The following OPHN1 variants were observed in gnomAD, a reference collection of about 807,000 sequenced individuals.
OPHN1 encodes the protein oligophrenin-1.
Under a neutral mutation model 60.7 loss-of-function variants are expected in OPHN1, and 11 were observed. That is an observed-to-expected ratio of 0.18 (90% CI 0.11 to 0.30). The LOEUF (loss-of-function observed/expected upper bound fraction) is 0.30. Ranked by LOEUF, OPHN1 falls within the 10% of genes least tolerant of loss-of-function variation. OPHN1 has a pLI of 1.00. For missense variants in OPHN1, 449 were observed against 611.0 expected (o/e 0.73, Z 2.80); for synonymous variants, 226 against 222.6 (o/e 1.02, Z -0.14).
chrX:68,272,465 A>G (rs1225334520), intron 5 of OPHN1, among the ~76,000 whole-genome samples: 2 of 112,559 alleles, frequency 1.8e-5, no homozygotes, highest in African/African-American at 6.4e-5. Context: ...TTAGTAAACA[A>G]TGAACCGCAT....
At chrX:68,317,525 A>G (rs2078211207) in intron 2 of OPHN1, among the ~76,000 whole-genome samples, 6 of 60,402 alleles carry the variant, frequency 9.9e-5, no homozygotes, top group Admixed American at 3.6e-4. Context: ...GAGAGAAAGA[A>G]AGAAAGAAAG....
chrX:68,086,213 G>GAAAAAA (rs2076995069), intron 19 of OPHN1, among the ~76,000 whole-genome samples: 1 of 92,223 alleles, frequency 1.1e-5, no homozygotes. Context: ...AATCCTAAAA[G>GAAAAAA]AATGGGAAAC....
In OPHN1 at chrX:68,213,916, A is replaced by G. The variant is rs750210193; in HGVS notation, c.543T>C (p.Tyr181=). Residue 181 remains tyrosine (Y), a synonymous_variant, in exon 7 of 25, where the codon TAT becomes TAC. Transcript: ENST00000355520. ...RHNFFESSLD[Y]VYQIQEVQES... ...CCTGAACTTCCTGGATTTGATAAAC[A>G]TAATCAAGAGAGGACTCGAAAAAAT... 2.5e-6 allele frequency: 3 copies of G among 1,205,695 alleles called. No individual in the cohort carries two copies. Among genetic ancestry groups the G allele is most frequent in the Admixed American group, 2.2e-5 (1 of 45,604 alleles).
chrX:68,420,862 A>T (rs2078823434), intron 2 of OPHN1, among the ~76,000 whole-genome samples: 1 of 109,978 alleles, frequency 9.1e-6, no homozygotes, highest in African/African-American at 3.3e-5. Context: ...AAAAAAAAAA[A>T]AAAATCACAG....
chrX:68,158,391 GT>G (rs747927043), intron 15 of OPHN1, among the ~76,000 whole-genome samples: 1 of 112,049 alleles, frequency 8.9e-6, no homozygotes, highest in African/African-American at 3.2e-5. Flanking sequence ...TGTCTGGAAA[GT>G]TTGGTTAGAC....
intron 2 of OPHN1, among the ~76,000 whole-genome samples, chrX:68,397,040 T>C (rs921930430): frequency 3.6e-5 from 4 of 111,048 alleles, no homozygotes; most frequent in Non-Finnish European, 7.5e-5. Flanking sequence ...AACTGCCTCC[T>C]GATTGCAAGC....
chrX:68,182,312 A>T (rs772169205), intron 15 of OPHN1, among the ~76,000 whole-genome samples: 86 of 102,944 alleles, frequency 8.4e-4, no homozygotes, highest in Non-Finnish European at 1.5e-3. Flanking sequence ...TGGTCCTTGG[A>T]TAATGAACTG....
At chrX:68,224,113 C>T (rs2077677673) in intron 6 of OPHN1, among the ~76,000 whole-genome samples, 1 of 111,757 alleles carries the variant, frequency 8.9e-6, no homozygotes, top group Non-Finnish European at 1.9e-5. Flanking sequence ...ATCTAACTGA[C>T]ATCTTTGTAA....
intron 10 of OPHN1, among the ~76,000 whole-genome samples, chrX:68,205,909 A>G (rs1478564708): frequency 9.0e-6 from 1 of 110,601 alleles, no homozygotes; most frequent in Non-Finnish European, 1.9e-5. Flanking sequence ...GAATATAAAC[A>G]ATCTGTCTAA....
intron 15 of OPHN1, among the ~76,000 whole-genome samples, chrX:68,124,174 G>T (rs1393293694): frequency 9.0e-6 from 1 of 111,067 alleles, no homozygotes; most frequent in Admixed American, 9.5e-5. Flanking sequence ...ATCTCGTATT[G>T]ATGAAATCCC....
intron 15 of OPHN1, among the ~76,000 whole-genome samples, chrX:68,172,688 A>C (rs769269968): frequency 9.0e-6 from 1 of 111,684 alleles, no homozygotes; most frequent in South Asian, 3.8e-4. Flanking sequence ...TCTCAATCCT[A>C]GATATATCTG....
chrX:68,380,176 G>A (rs893385409), intron 2 of OPHN1, among the ~76,000 whole-genome samples: 7 of 111,501 alleles, frequency 6.3e-5, no homozygotes, highest in Middle Eastern at 4.6e-3. Flanking sequence ...ATGTGTCGAG[G>A]AATTTACCCA....
intron 6 of OPHN1, among the ~76,000 whole-genome samples, chrX:68,219,765 G>A (rs2077641711): frequency 9.5e-6 from 1 of 104,858 alleles, no homozygotes; most frequent in South Asian, 4.6e-4. Context: ...AGAATCTCTG[G>A]GATGCATTCA....
At chrX:68,399,399 C>A (rs1228345708) in intron 2 of OPHN1, among the ~76,000 whole-genome samples, 1 of 111,889 alleles carries the variant, frequency 8.9e-6, no homozygotes, top group East Asian at 2.8e-4. Flanking sequence ...GCCTGTAATC[C>A]CAGCACTTTG....
rs1215178038 is a variant in OPHN1, at chrX:68,053,701, C to T, written c.2268G>A (p.Lys756=). 8 of 1,209,439 alleles carry T rather than the reference C, an allele frequency of 6.6e-6. No homozygotes were observed. The highest frequency in any genetic ancestry group is 6.7e-6 in the Non-Finnish European group (6 of 895,126). The change falls in exon 22 of 25, where the codon AAG becomes AAA. Residue 756 remains lysine, a synonymous_variant. Transcript: ENST00000355520. ...DPPCRAATPQ[K]PEPKPDIVAG... ...CCACAATATCTGGCTTTGGTTCTGGCTTTTGGGGAGTAGCTGCCCGGCAGG... is the reference window on the plus strand; with the variant it reads ...CCACAATATCTGGCTTTGGTTCTGGTTTTTGGGGAGTAGCTGCCCGGCAGG...
intron 15 of OPHN1, among the ~76,000 whole-genome samples, chrX:68,182,604 TGAAG>T (rs1320048512): frequency 9.0e-6 from 1 of 111,502 alleles, no homozygotes; most frequent in African/African-American, 3.3e-5. Context: ...ATGGAAATAC[TGAAG>T]TTGTTGAAAA....
At chrX:68,187,035 G>A (rs2077465745) in intron 15 of OPHN1, among the ~76,000 whole-genome samples, 1 of 111,757 alleles carries the variant, frequency 8.9e-6, no homozygotes, top group African/African-American at 3.3e-5. Context: ...AAGTGAGAAC[G>A]TCACAATGAG....
At chrX:68,201,403 T>C (rs1297237384) in intron 11 of OPHN1, among the ~76,000 whole-genome samples, 1 of 112,014 alleles carries the variant, frequency 8.9e-6, no homozygotes, top group African/African-American at 3.2e-5. Flanking sequence ...GCAAAGCTGA[T>C]AGAAGCTTGC....
intron 2 of OPHN1, among the ~76,000 whole-genome samples, chrX:68,348,640 T>C (rs186630924): frequency 3.8e-4 from 42 of 111,914 alleles, no homozygotes; most frequent in African/African-American, 1.2e-3. Context: ...TTTGCTATTA[T>C]AGTATGAAAA....
Sources: allele counts gnomAD v4.1 joint callset (sites outside exome capture counted in the v4.1 genomes callset), GRCh38; gene constraint gnomAD v4.1.1; transcripts MANE v1.5; gene names NCBI Gene and HGNC (gene_info 2026-07-23, HGNC 2026-07-21).